BBS9: variants seen among roughly 807,000 people sequenced by gnomAD.
BBS9 encodes the protein protein PTHB1.
BBS9 carries 89 observed loss-of-function variants against 117.7 expected under a neutral mutation model. The observed-to-expected ratio is 0.76, with a 90% CI of 0.64 to 0.90. The LOEUF (loss-of-function observed/expected upper bound fraction) is 0.90, where lower values mean the gene tolerates loss of function less well. Ranked by LOEUF, BBS9 falls within the 40% of genes least tolerant of loss-of-function variation. BBS9 has a pLI of 0.00. For missense variants in BBS9, 982 were observed against 1,042.2 expected (o/e 0.94, Z 0.80); for synonymous variants, 379 against 370.9 (o/e 1.02, Z -0.25).
chr7:33,526,577 G>A lies in BBS9; in HGVS notation c.2299-7377G>A, dbSNP rs369041019. ...CTTCTGCATTCTTCACGTAGTTCTC[G>A]AGCCTTGGTTTTCAGCTCCATCAGC... On this transcript the variant is annotated intron_variant, in intron 20 of 22. Coordinates refer to ENST00000242067, the MANE Select transcript of BBS9 (RefSeq NM_198428.3). Among the ~76,000 whole-genome samples the A allele has an allele frequency of 2.1e-4, 31 of 150,086 alleles. No homozygotes were observed. In the East Asian group the frequency reaches 5.1e-3, roughly 25 times the overall value.
Position 33,585,640 on chromosome 7 carries a change from C to T in BBS9, c.2522-19225C>T, listed in dbSNP as rs533068483. On this transcript the variant is annotated intron_variant, in intron 21 of 22. Coordinates refer to ENST00000242067, the MANE Select transcript of BBS9 (RefSeq NM_198428.3). ...AAAATAAGTAACACTATGGCTAGCACATAAGTGCTAAAAAAAAGGTACTAA... is the reference window on the plus strand; with the variant it reads ...AAAATAAGTAACACTATGGCTAGCATATAAGTGCTAAAAAAAAGGTACTAA... 1.8e-4 allele frequency among the ~76,000 whole-genome samples: 27 copies of T among 151,762 alleles called. No individual in the cohort carries two copies. In the South Asian group the frequency reaches 5.6e-3, roughly 32 times the overall value.
intron 19 of BBS9, among the ~76,000 whole-genome samples, chr7:33,481,585 G>A (rs11980975): frequency 2.2e-3 from 342 of 152,266 alleles, no homozygotes; most frequent in African/African-American, 8.0e-3. Flanking sequence ...ATGTAAATTT[G>A]TATACATGTC....
chr7:33,281,536 G>A (rs1057223332), intron 9 of BBS9, among the ~76,000 whole-genome samples: 2 of 151,606 alleles, frequency 1.3e-5, no homozygotes, highest in Non-Finnish European at 2.9e-5. Context: ...ACCACACTCA[G>A]TTAATTAAAA....
chr7:33,396,470 G>T (rs1029738352), intron 19 of BBS9, among the ~76,000 whole-genome samples: 2 of 152,030 alleles, frequency 1.3e-5, no homozygotes, highest in Non-Finnish European at 2.9e-5. Flanking sequence ...ATTGAAAATG[G>T]TGTATGTTTA....
At chr7:33,389,376 A>G (rs779118845) in intron 19 of BBS9, among the ~76,000 whole-genome samples, 7 of 152,102 alleles carry the variant, frequency 4.6e-5, no homozygotes, top group Non-Finnish European at 8.8e-5. Flanking sequence ...TTTTGCTCAT[A>G]ATACATTTGT....
intron 5 of BBS9, among the ~76,000 whole-genome samples, chr7:33,225,922 C>A (rs768229403): frequency 2.6e-5 from 4 of 152,198 alleles, no homozygotes; most frequent in Non-Finnish European, 5.9e-5. Flanking sequence ...ATTGATTTTA[C>A]ATACATATAT....
intron 19 of BBS9, among the ~76,000 whole-genome samples, chr7:33,416,375 C>T (rs1337043429): frequency 6.6e-6 from 1 of 151,108 alleles, no homozygotes; most frequent in Non-Finnish European, 1.5e-5. Context: ...GTTGGTGTTG[C>T]TTTTTGTAGT....
intron 9 of BBS9, among the ~76,000 whole-genome samples, chr7:33,322,772 T>C (rs955496458): frequency 6.6e-6 from 1 of 152,124 alleles, no homozygotes; most frequent in African/African-American, 2.4e-5. Flanking sequence ...TCTCTTTTAG[T>C]AATCTTGGGT....
At chr7:33,186,771 C>CT (rs1276137812) in intron 5 of BBS9, among the ~76,000 whole-genome samples, 1 of 151,932 alleles carries the variant, frequency 6.6e-6, no homozygotes, top group African/African-American at 2.4e-5. Context: ...ATCCAAGCTG[C>CT]TTTTTTGAAG....
chr7:33,492,202 C>CAAAAAAA (rs1563251353), intron 19 of BBS9, among the ~76,000 whole-genome samples: 2 of 41,106 alleles, frequency 4.9e-5, no homozygotes, highest in African/African-American at 3.3e-4. Context: ...GATTCCACCT[C>CAAAAAAA]GAAAAAAAAA....
chr7:33,315,157 C>T (rs1333590041), intron 9 of BBS9, among the ~76,000 whole-genome samples: 1 of 152,158 alleles, frequency 6.6e-6, no homozygotes, highest in Non-Finnish European at 1.5e-5. Context: ...TTTATTCTCT[C>T]ACGGTTCTGG....
intron 19 of BBS9, among the ~76,000 whole-genome samples, chr7:33,488,226 C>G (rs1311953846): frequency 6.6e-6 from 1 of 152,132 alleles, no homozygotes; most frequent in Non-Finnish European, 1.5e-5. Flanking sequence ...ATTCACTTCC[C>G]CTTTGCAAGC....
At chr7:33,180,720 C>G (rs1242489420) in intron 5 of BBS9, among the ~76,000 whole-genome samples, 4 of 152,170 alleles carry the variant, frequency 2.6e-5, no homozygotes, top group Non-Finnish European at 5.9e-5. Context: ...TTGTAACAAT[C>G]TGGTGGCCCG....
chr7:33,422,132 T>C (rs974955471), intron 19 of BBS9, among the ~76,000 whole-genome samples: 1 of 152,192 alleles, frequency 6.6e-6, no homozygotes, highest in Non-Finnish European at 1.5e-5. Context: ...CTTGTAAATA[T>C]AAATTGTATG....
At chr7:33,418,742 C>A (rs1388917125) in intron 19 of BBS9, among the ~76,000 whole-genome samples, 3 of 152,112 alleles carry the variant, frequency 2.0e-5, no homozygotes, top group Admixed American at 2.0e-4. Context: ...AGAAGCCTTT[C>A]CCAGTCTAGC....
At chr7:33,266,130 G>C (rs1030114437) in intron 7 of BBS9, among the ~76,000 whole-genome samples, 6 of 152,122 alleles carry the variant, frequency 3.9e-5, no homozygotes, top group Admixed American at 2.0e-4. Context: ...ATCATTTGCA[G>C]TTTTTATTGA....
chr7:33,522,246 C>T lies in BBS9; in HGVS notation c.2299-11708C>T, dbSNP rs531931163. Among the ~76,000 whole-genome samples the T allele has an allele frequency of 1.8e-4, 27 of 152,204 alleles. No individual in the cohort carries two copies. In the South Asian group the frequency reaches 5.6e-3, roughly 32 times the overall value. On this transcript the variant is annotated intron_variant, in intron 20 of 22. Coordinates refer to ENST00000242067, the MANE Select transcript of BBS9 (RefSeq NM_198428.3). ...CTTTATAGCAGCAAGATTTATAGTC[C>T]TTTGGGTATATACCCAGTAATCGGA...
chr7:33,148,223 G>T (rs768043147), intron 2 of BBS9, among the ~76,000 whole-genome samples: 4 of 152,160 alleles, frequency 2.6e-5, no homozygotes, highest in African/African-American at 7.2e-5. Context: ...GAACAATATG[G>T]TGTTTATATT....
intron 18 of BBS9, among the ~76,000 whole-genome samples, chr7:33,386,586 G>T (rs1209240830): frequency 6.6e-6 from 1 of 151,858 alleles, no homozygotes; most frequent in Non-Finnish European, 1.5e-5. Context: ...GGCCTCCTGG[G>T]TTCACGCCAT....
Sources: allele counts gnomAD v4.1 joint callset (sites outside exome capture counted in the v4.1 genomes callset), GRCh38; gene constraint gnomAD v4.1.1; transcripts MANE v1.5; gene names NCBI Gene and HGNC (gene_info 2026-07-23, HGNC 2026-07-21).